CDH22: variants seen among roughly 807,000 people sequenced by gnomAD.
CDH22 encodes cadherin 22, also known as cadherin-22.
A neutral mutation model predicts 58.4 loss-of-function variants in CDH22; 30 were observed. The observed-to-expected ratio is 0.51, with a 90% confidence interval of 0.38 to 0.70. CDH22 has a LOEUF of 0.70. Ranked by LOEUF, CDH22 falls within the 30% of genes least tolerant of loss-of-function variation. The pLI, the probability that CDH22 is intolerant of heterozygous loss-of-function variation, is 0.00. For missense variants in CDH22, 1,014 were observed against 1,233.9 expected (o/e 0.82, Z 2.67); for synonymous variants, 513 against 558.2 (o/e 0.92, Z 1.14).
intron 6 of CDH22, among the ~76,000 whole-genome samples, chr20:46,212,766 C>G (rs899167728): frequency 6.6e-6 from 1 of 152,202 alleles, no homozygotes. Context: ...GGATTGAACC[C>G]TGGCTCTGAG....
At chr20:46,285,164 G>C (rs976266691) in intron 1 of CDH22, among the ~76,000 whole-genome samples, 1 of 152,246 alleles carries the variant, frequency 6.6e-6, no homozygotes, top group Non-Finnish European at 1.5e-5. Context: ...CATCCGGTCT[G>C]TGGACCAGGT....
intron 1 of CDH22, among the ~76,000 whole-genome samples, chr20:46,264,650 G>A (rs2086449277): frequency 6.6e-6 from 1 of 152,152 alleles, no homozygotes; most frequent in Non-Finnish European, 1.5e-5. Context: ...AGGGAAATGA[G>A]GATGGGCCGG....
Position 46,186,706 on chromosome 20 carries a change from C to A in CDH22, c.1546-1G>T. The A allele has an allele frequency of 6.2e-7, 1 of 1,613,426 alleles. No homozygotes were observed. Among genetic ancestry groups the A allele is most frequent in the Non-Finnish European group, 8.5e-7 (1 of 1,179,676 alleles). On this transcript the variant is annotated splice_acceptor_variant, in intron 9 of 11. Coordinates refer to ENST00000537909, the MANE Select transcript of CDH22 (RefSeq NM_021248.3). LOFTEE classifies it high-confidence loss of function. ...CCACCACGCTGATGGTCTGGATGAG[C>A]TGAAGGGTGAGGAGGGGATAGAGGG... is the stretch of plus-strand genomic sequence containing the variant.
Position 46,251,073 on chromosome 20 carries a change from C to A in CDH22, c.222G>T (p.Glu74Asp). ...CATACAGGGGCTCCGTGCCCGTGTA[C>A]TCCTCTACCACGAAGAACTGGTTCC... ...WVWNQFFVVE[E>D]YTGTEPLYVG... Residue 74 changes from glutamate to aspartate, a missense_variant, in exon 2 of 12, where the codon GAG becomes GAT. Glu to Asp is a conservative substitution (Grantham distance 45). This residue lies in a region of CDH22 where 806 missense variants were observed against 1,038.7 expected (regional missense o/e 0.78). Coordinates refer to ENST00000537909, the MANE Select transcript of CDH22 (RefSeq NM_021248.3). The surrounding 1 kb of genome is among the most constrained non-coding windows in gnomAD (Gnocchi z 6.7). The A allele has an allele frequency of 6.2e-7, 1 of 1,612,708 alleles. No individual in the cohort carries two copies. The highest frequency in any genetic ancestry group is 8.5e-7 in the Non-Finnish European group (1 of 1,179,234).
intron 3 of CDH22, among the ~76,000 whole-genome samples, chr20:46,240,629 T>C (rs1460307163): frequency 6.6e-6 from 1 of 152,104 alleles, no homozygotes; most frequent in Non-Finnish European, 1.5e-5. Context: ...GGGCTGGGCT[T>C]GTGCATGTGG....
At chr20:46,189,027 A>T (rs546439303) in intron 8 of CDH22, among the ~76,000 whole-genome samples, 1 of 152,218 alleles carries the variant, frequency 6.6e-6, no homozygotes, top group East Asian at 1.9e-4. Flanking sequence ...TAAACTCAGG[A>T]TCCACTGTGT....
intron 1 of CDH22, among the ~76,000 whole-genome samples, chr20:46,262,737 AGC>A (rs1325308077): frequency 6.6e-6 from 1 of 152,182 alleles, no homozygotes; most frequent in Non-Finnish European, 1.5e-5. Flanking sequence ...CTGATCTGCC[AGC>A]TCCAAAGCCT....
chr20:46,201,169 C>T (rs1441291440), intron 7 of CDH22, among the ~76,000 whole-genome samples: 2 of 152,252 alleles, frequency 1.3e-5, no homozygotes, highest in East Asian at 1.9e-4. Context: ...AGGCTGCGCG[C>T]GGACAAAGGC....
chr20:46,217,060 T>G (rs1317407739), intron 4 of CDH22, 67 bp from the exon 5 acceptor site: 1 of 1,489,426 alleles, frequency 6.7e-7, no homozygotes, highest in Admixed American at 1.8e-5. Flanking sequence ...GAGACCCCTG[T>G]ACAGGCGGGA....
At chr20:46,181,233 T>C (rs2085781865) in intron 10 of CDH22, among the ~76,000 whole-genome samples, 2 of 152,114 alleles carry the variant, frequency 1.3e-5, no homozygotes, top group African/African-American at 4.8e-5. Context: ...CACAATTTAG[T>C]CTACAATTAC....
intron 1 of CDH22, among the ~76,000 whole-genome samples, chr20:46,254,092 G>A (rs946118582): frequency 2.6e-5 from 4 of 152,186 alleles, no homozygotes; most frequent in Non-Finnish European, 4.4e-5. Context: ...TTGAACATAC[G>A]TTAACAATCG....
rs573417852 is a variant in CDH22, at chr20:46,249,296, G to T, written c.255+1744C>A. Among the ~76,000 whole-genome samples the T allele has an allele frequency of 3.9e-5, 6 of 152,244 alleles. No individual in the cohort carries two copies. In the East Asian group the frequency reaches 1.2e-3, roughly 29 times the overall value. On this transcript the variant is annotated intron_variant, in intron 2 of 11. Transcript: ENST00000537909. ...CTTGGTCACTCCATCCCCAGCCCTTGCCCCATTCTACCAGCGTCACCATCT... is the reference window on the plus strand; with the variant it reads ...CTTGGTCACTCCATCCCCAGCCCTTTCCCCATTCTACCAGCGTCACCATCT...
At position 46,308,466 on chromosome 20, in the gene CDH22, C is replaced by T. The variant is rs1471166524; in HGVS notation, c.-611G>A. The T allele has an allele frequency of 4.7e-6, 1 of 212,710 alleles. No homozygotes were observed. Among genetic ancestry groups the T allele is most frequent in the East Asian group, 8.6e-5 (1 of 11,578 alleles). 13.2% of individuals were successfully genotyped at this position (212,710 alleles called of 1,614,324 possible). A position where few individuals can be genotyped will look rare whatever the true frequency, so the allele number is the denominator to read the frequency against. On this transcript the variant is annotated 5_prime_UTR_variant, in exon 1 of 12. Transcript: ENST00000537909. The surrounding 1 kb of genome is among the most constrained non-coding windows in gnomAD (Gnocchi z 4.3). Reference sequence around the variant, plus strand: ...GAGAGCGAGAGAGCGAGGGAGTGAGCGAGCGAGCGGGAGCGAGGGAGTGTG... The same window carrying T: ...GAGAGCGAGAGAGCGAGGGAGTGAGTGAGCGAGCGGGAGCGAGGGAGTGTG...
At chr20:46,191,382 A>T (rs2085861109) in intron 8 of CDH22, among the ~76,000 whole-genome samples, 3 of 151,882 alleles carry the variant, frequency 2.0e-5, no homozygotes, top group Non-Finnish European at 4.4e-5. Flanking sequence ...CCCCTACTAG[A>T]GTTACTCATT....
chr20:46,274,010 T>C lies in CDH22; in HGVS notation c.-399-22317A>G, dbSNP rs1204703233. ...AGCTTTTGTTGAAATGCACACATGG[T>C]AATTGCTACAGAAGAGTATTTCCCT... On this transcript the variant is annotated intron_variant, in intron 1 of 11. Transcript: ENST00000537909. 2.0e-5 allele frequency among the ~76,000 whole-genome samples: 3 copies of C among 152,190 alleles called. No individual in the cohort carries two copies. In the East Asian group the frequency reaches 5.8e-4, roughly 29 times the overall value.
At chr20:46,185,579 G>GT (rs1481183384) in intron 10 of CDH22, among the ~76,000 whole-genome samples, 2 of 152,022 alleles carry the variant, frequency 1.3e-5, no homozygotes, top group Non-Finnish European at 2.9e-5. Flanking sequence ...AGAAAGAAAT[G>GT]TGAGTGGGCC....
At chr20:46,286,434 T>C (rs555175880) in intron 1 of CDH22, among the ~76,000 whole-genome samples, 29 of 152,306 alleles carry the variant, frequency 1.9e-4, no homozygotes, top group African/African-American at 5.8e-4. Flanking sequence ...GGGCGCGTTA[T>C]TGCCCACATA....
Position 46,206,586 on chromosome 20 carries a change from GC to G in CDH22, c.1286+3720del, listed in dbSNP as rs145669463. On this transcript the variant is annotated intron_variant, in intron 7 of 11. Transcript: ENST00000537909. ...GCTTGCTGTTCCCTCTACCTGGAAT[GC>G]TTTTCCTCACATTTTTGCATGGATG... Among the ~76,000 whole-genome samples, 750 of 152,206 alleles carry G rather than the reference GC, an allele frequency of 4.9e-3. 7 individuals are homozygous for G. Among genetic ancestry groups the G allele is most frequent in the African/African-American group, 0.018 (731 of 41,518 alleles).
chr20:46,236,458 A>G, intron 3 of CDH22, among the ~76,000 whole-genome samples: 1 of 146,666 alleles, frequency 6.8e-6, no homozygotes, highest in South Asian at 2.1e-4. Context: ...TCACACCATC[A>G]GGCATATTAA....
Sources: gnomAD v4.1 joint callset for allele counts (sites outside exome capture counted in the v4.1 genomes callset) on GRCh38, gnomAD v4.1.1 for gene constraint, gnomAD v4.1.1 regional missense constraint, Gnocchi (gnomAD v3.1) non-coding constraint, MANE v1.5 for transcripts, NCBI Gene and HGNC (gene_info 2026-07-23, HGNC 2026-07-21) for gene names.